Variants in MCAT observed in about 807,000 individuals in gnomAD.
MCAT encodes the protein malonyl-CoA-acyl carrier protein transacylase, mitochondrial.
In MCAT, 22 loss-of-function variants were observed where a neutral mutation model predicts 22.9. The observed-to-expected ratio is 0.96, with a 90% CI of 0.69 to 1.37. MCAT has a LOEUF of 1.37. MCAT is among the 40% of genes most tolerant of loss of function. MCAT has a pLI of 0.00. For missense variants in MCAT, 534 were observed against 533.6 expected, an observed-to-expected ratio of 1.00 and a Z score of -0.01; for synonymous variants, 240 against 233.9, an observed-to-expected ratio of 1.03 and a Z score of -0.24.
At chr22:43,138,050 C>G (rs560035984) in intron 2 of MCAT, among the ~76,000 whole-genome samples, 1 of 152,006 alleles carries the variant, frequency 6.6e-6, no homozygotes, top group South Asian at 2.1e-4. Flanking sequence ...ATAGGGAGAC[C>G]CTGTCCCTGC....
chr22:43,138,791 C>T (rs1039494106), intron 2 of MCAT, among the ~76,000 whole-genome samples: 1 of 152,166 alleles, frequency 6.6e-6, no homozygotes, highest in African/African-American at 2.4e-5. Context: ...AGACCCCTGA[C>T]ACCCTGGTCC....
At chr22:43,136,456 G>A (rs1008688812) in intron 3 of MCAT, among the ~76,000 whole-genome samples, 2 of 152,210 alleles carry the variant, frequency 1.3e-5, no homozygotes, top group African/African-American at 4.8e-5. Context: ...GCCCCCTGCT[G>A]GCAAACACAT....
chr22:43,143,199 G>A lies in MCAT; in HGVS notation c.150C>T (p.Pro50=). The A allele has an allele frequency of 1.9e-6, 3 of 1,539,916 alleles. No homozygotes were observed. The highest frequency in any genetic ancestry group is 2.6e-6 in the Non-Finnish European group (3 of 1,153,220). Residue 50 remains proline (P), a synonymous_variant, in exon 1 of 4, where the codon CCC becomes CCT. Coordinates refer to ENST00000290429, the MANE Select transcript of MCAT (RefSeq NM_173467.5). ...RDATGAEEEA[P]WAATERRMPG... ...GCATTCGCCGCTCCGTCGCCGCCCA[G>A]GGCGCCTCCTCCTCCGCCCCGGTCG...
chr22:43,133,359 T>C lies in MCAT; in HGVS notation c.857A>G (p.Lys286Arg). The part of the protein sequence containing the change: ...PAVEPLTQAL[K>R]AVDIKKPLVS... Reference sequence around the variant, plus strand: ...CAGAGGCTTCTTAATGTCGACTGCCTTTAAAGCTTGCGTCAGGGGCTCCAC... The same window carrying C: ...CAGAGGCTTCTTAATGTCGACTGCCCTTAAAGCTTGCGTCAGGGGCTCCAC... The change falls in exon 4 of 4, where the codon AAG becomes AGG. Residue 286 changes from lysine (K) to arginine (R), a missense_variant. Coordinates refer to ENST00000290429, the MANE Select transcript of MCAT (RefSeq NM_173467.5). The C allele has an allele frequency of 6.2e-7, 1 of 1,614,166 alleles. No individual in the cohort carries two copies. The highest frequency in any genetic ancestry group is 2.2e-5 in the East Asian group (1 of 44,886).
rs1930470110 is a variant in MCAT, at chr22:43,132,338, G to A, written c.*705C>T. 6.6e-6 allele frequency: 1 copy of A among 152,362 alleles called. No homozygotes were observed. The highest frequency in any genetic ancestry group is 2.1e-4 in the South Asian group (1 of 4,834). The allele number at this position is 152,362 out of a possible 1,614,324, so 9.4% of individuals were successfully genotyped here. A position where few individuals can be genotyped will look rare whatever the true frequency, so the allele number is the denominator to read the frequency against. ...CCCCGCAGACCCGCAGTCCCAGTGGGTGACCAGGGTGTTCCTCCATGGTTC... is the reference window on the plus strand; with the variant it reads ...CCCCGCAGACCCGCAGTCCCAGTGGATGACCAGGGTGTTCCTCCATGGTTC... On this transcript the variant is annotated 3_prime_UTR_variant, in exon 4 of 4. Coordinates refer to ENST00000290429, the MANE Select transcript of MCAT (RefSeq NM_173467.5).
chr22:43,134,602 T>C (rs1276426953), intron 3 of MCAT, among the ~76,000 whole-genome samples: 1 of 152,214 alleles, frequency 6.6e-6, no homozygotes, highest in African/African-American at 2.4e-5. Flanking sequence ...AGTCTGTCAG[T>C]GTTCCCTAGA....
In MCAT at chr22:43,137,210, A is replaced by G. The variant is rs758939271; in HGVS notation, c.600T>C (p.Pro200=). 1 of 1,614,206 alleles carries G rather than the reference A, an allele frequency of 6.2e-7. No individual in the cohort carries two copies. The highest frequency in any genetic ancestry group is 8.5e-7 in the Non-Finnish European group (1 of 1,180,036). The change falls in exon 3 of 4, where the codon CCT becomes CCC. Residue 200 remains proline (P), a synonymous_variant. Transcript: ENST00000290429. The part of the protein sequence containing the change: ...PSGMLSVLGQ[P]QSKFNFACLE... ...AACAGGCGAAGTTGAACTTGGACTG[A>G]GGCTGGCCGAGGACAGACAGCATCC...
intron 3 of MCAT, among the ~76,000 whole-genome samples, chr22:43,134,559 TG>T (rs1426906386): frequency 6.6e-6 from 1 of 152,176 alleles, no homozygotes; most frequent in Non-Finnish European, 1.5e-5. Flanking sequence ...AGGCTGGTCT[TG>T]AACTCCTGGC....
At chr22:43,133,768 A>G (rs1265743165) in intron 3 of MCAT, among the ~76,000 whole-genome samples, 1 of 152,192 alleles carries the variant, frequency 6.6e-6, no homozygotes, top group Non-Finnish European at 1.5e-5. Flanking sequence ...GGTAGAGGAA[A>G]ACGCACTATC....
chr22:43,140,203 G>T (rs1424304292), intron 2 of MCAT, among the ~76,000 whole-genome samples: 1 of 151,830 alleles, frequency 6.6e-6, no homozygotes, highest in East Asian at 1.9e-4. Context: ...TTTTGGACAG[G>T]GTCTTGCTCT....
chr22:43,141,632 C>T (rs1352406032), intron 1 of MCAT, among the ~76,000 whole-genome samples: 1 of 151,966 alleles, frequency 6.6e-6, no homozygotes, highest in Non-Finnish European at 1.5e-5. Flanking sequence ...AGTGCAATGG[C>T]GTGATCTCGG....
chr22:43,137,207 C>T lies in MCAT; in HGVS notation c.603G>A (p.Gln201=). Residue 201 remains glutamine (Q), a synonymous_variant, in exon 3 of 4, where the codon CAG becomes CAA. Coordinates refer to ENST00000290429, the MANE Select transcript of MCAT (RefSeq NM_173467.5). ...CCAAACAGGCGAAGTTGAACTTGGACTGAGGCTGGCCGAGGACAGACAGCA... is the reference window on the plus strand; with the variant it reads ...CCAAACAGGCGAAGTTGAACTTGGATTGAGGCTGGCCGAGGACAGACAGCA... ...SGMLSVLGQP[Q]SKFNFACLEA... The T allele has an allele frequency of 2.5e-6, 4 of 1,614,194 alleles. No individual in the cohort carries two copies. The highest frequency in any genetic ancestry group is 3.4e-6 in the Non-Finnish European group (4 of 1,180,040).
At position 43,142,926 on chromosome 22, in the gene MCAT, C is replaced by A. The variant is rs1218108540; in HGVS notation, c.423G>T (p.Ser141=). The A allele has an allele frequency of 2.5e-5, 39 of 1,548,722 alleles. No homozygotes were observed. The highest frequency in any genetic ancestry group is 3.2e-5 in the Non-Finnish European group (37 of 1,145,102). Residue 141 remains serine (S), a splice_region_variant and synonymous_variant, in exon 1 of 4, where the codon TCG becomes TCT. Coordinates refer to ENST00000290429, the MANE Select transcript of MCAT (RefSeq NM_173467.5). ...CCTGTCACGGGGCCTCGGGCCTCAC[C>A]GAGGGCTGCAGGTGATGTAGTTTCT... ...AVEKLHHLQP[S]VIENCVAAAG... is the part of the protein sequence containing the mutation.
chr22:43,143,247 A>G lies in MCAT; in HGVS notation c.102T>C (p.Gly34=), dbSNP rs1185823121. 6.8e-7 allele frequency: 1 copy of G among 1,461,458 alleles called. No individual in the cohort carries two copies. Among genetic ancestry groups the G allele is most frequent in the Non-Finnish European group, 8.9e-7 (1 of 1,117,410 alleles). 90.5% of individuals were successfully genotyped at this position (1,461,458 alleles called of 1,614,324 possible). A position where few individuals can be genotyped will look rare whatever the true frequency, so the allele number is the denominator to read the frequency against. The change falls in exon 1 of 4, where the codon GGT becomes GGC. Residue 34 remains glycine, a synonymous_variant. Transcript: ENST00000290429. ...SFPVPPPGAQ[G]VAELLRDATG... is the part of the protein sequence containing the mutation. The stretch of plus-strand genomic sequence containing the variant: ...TCGCATCTCGCAGCAGCTCCGCTAC[A>G]CCCTGGGCGCCCGGCGGAGGCACCG...
intron 3 of MCAT, among the ~76,000 whole-genome samples, chr22:43,136,660 C>T (rs1335798131): frequency 6.6e-6 from 1 of 152,134 alleles, no homozygotes; most frequent in Non-Finnish European, 1.5e-5. Context: ...GAAGGAAATA[C>T]GGTGGAAAGG....
In MCAT at chr22:43,133,109, G is replaced by A. The variant is rs1930496020; in HGVS notation, c.1107C>T (p.Tyr369=). The A allele has an allele frequency of 4.3e-6, 7 of 1,614,214 alleles. No homozygotes were observed. Among genetic ancestry groups the A allele is most frequent in the East Asian group, 2.2e-5 (1 of 44,874 alleles). Residue 369 remains tyrosine, a synonymous_variant, in exon 4 of 4, where the codon TAC becomes TAT. Coordinates refer to ENST00000290429, the MANE Select transcript of MCAT (RefSeq NM_173467.5). ...GGGTCTGCAGCACATCCACGGCGCTGTAGGACTTCCAGGCCTGCATGTTAC... is the reference window on the plus strand; with the variant it reads ...GGGTCTGCAGCACATCCACGGCGCTATAGGACTTCCAGGCCTGCATGTTAC... ...KSCNMQAWKS[Y]SAVDVLQTLE...
chr22:43,136,115 G>A (rs1402416399), intron 3 of MCAT, among the ~76,000 whole-genome samples: 3 of 152,078 alleles, frequency 2.0e-5, no homozygotes, highest in Non-Finnish European at 1.5e-5. Flanking sequence ...GTGGTTGCCC[G>A]TGTCTGTAAT....
chr22:43,139,768 G>A (rs1450486519), intron 2 of MCAT, among the ~76,000 whole-genome samples: 1 of 151,924 alleles, frequency 6.6e-6, no homozygotes, highest in African/African-American at 2.4e-5. Flanking sequence ...AGTAGAGATG[G>A]GGTTTTACCA....
At chr22:43,142,811 G>A in intron 1 of MCAT, 115 bp downstream of exon 1, 1 of 1,022,808 alleles carries the variant, frequency 9.8e-7, no homozygotes. Flanking sequence ...AAAAAAACTC[G>A]ATCGAATGAG....
Sources: allele counts gnomAD v4.1 joint callset (sites outside exome capture counted in the v4.1 genomes callset), GRCh38; gene constraint gnomAD v4.1.1; transcripts MANE v1.5; gene names NCBI Gene and HGNC (gene_info 2026-07-23, HGNC 2026-07-21).